PTK6: variants seen among roughly 807,000 people sequenced by gnomAD.
PTK6 encodes protein tyrosine kinase 6.
In PTK6, 47 loss-of-function variants were observed where a neutral mutation model predicts 47.5. The ratio of observed to expected loss-of-function variants is 0.99; its 90% CI spans 0.78 to 1.26. PTK6 has a LOEUF of 1.26. Ranked by LOEUF, PTK6 falls within the 50% of genes most tolerant of loss-of-function variation. PTK6 has a pLI of 0.00. For missense variants in PTK6, 618 were observed against 625.3 expected (o/e 0.99, Z 0.12); for synonymous variants, 287 against 276.5 (o/e 1.04, Z -0.38).
At chr20:63,535,858 G>GC (rs1232376526) in intron 1 of PTK6, among the ~76,000 whole-genome samples, 1 of 12,344 alleles carries the variant, frequency 8.1e-5, no homozygotes, top group Admixed American at 8.1e-4. Context: ...CTGGCCTCCC[G>GC]CCCCCTCCTC....
At position 63,533,424 on chromosome 20, in the gene PTK6, A is replaced by T. The variant is rs2082640667; in HGVS notation, c.670+127T>A. On this transcript the variant is annotated intron_variant, in intron 4 of 7. Transcript: ENST00000542869. The surrounding 1 kb of genome is among the most constrained non-coding windows in gnomAD (Gnocchi z 4.0). ...AAAAACATAGGTGCAATTGAAAGGGAACCACTCTCGCATGGACGCTGTGGG... is the reference window on the plus strand; with the variant it reads ...AAAAACATAGGTGCAATTGAAAGGGTACCACTCTCGCATGGACGCTGTGGG... The T allele has an allele frequency of 1.1e-5, 13 of 1,144,788 alleles. No individual in the cohort carries two copies. The highest frequency in any genetic ancestry group is 1.5e-5 in the Non-Finnish European group (13 of 845,136). The allele number at this position is 1,144,788 out of a possible 1,614,324, so 70.9% of individuals were successfully genotyped here. A position where few individuals can be genotyped will look rare whatever the true frequency, so the allele number is the denominator to read the frequency against.
At chr20:63,531,452 A>C (rs1423732222) in intron 5 of PTK6, among the ~76,000 whole-genome samples, 2 of 126,582 alleles carry the variant, frequency 1.6e-5, no homozygotes, top group African/African-American at 3.2e-5. Context: ...ATATATATAT[A>C]TATATATATA....
rs376458736 is a variant in PTK6, at chr20:63,534,146, G to A, written c.516+6C>T. ...CCGCGTGACCAAGTCAGGGCGGAGC[G>A]GCTACCTTCCGGCAGGGCGCGGCCA... On this transcript the variant is annotated splice_donor_region_variant and intron_variant, in intron 3 of 7. Coordinates refer to ENST00000542869, the MANE Select transcript of PTK6 (RefSeq NM_005975.4). 37 of 1,545,328 alleles carry A rather than the reference G, an allele frequency of 2.4e-5. No homozygotes were observed. The African/African-American group carries it at 3.7e-4, about 15-fold the overall frequency.
In PTK6 at chr20:63,534,269, G is replaced by A. The variant is rs1305947229; in HGVS notation, c.399C>T (p.Ala133=). ...CCTCGTTCAGGTGCAGCCGGCCCCC[G>A]GCACGCCGCCAGATCTTGTAGTGCC... is the stretch of plus-strand genomic sequence containing the variant. The part of the protein sequence containing the change: ...AVRHYKIWRR[A]GGRLHLNEAV... Residue 133 remains alanine, a synonymous_variant, in exon 3 of 8, where the codon GCC becomes GCT. Coordinates refer to ENST00000542869, the MANE Select transcript of PTK6 (RefSeq NM_005975.4). The A allele has an allele frequency of 1.4e-5, 23 of 1,608,700 alleles. No individual in the cohort carries two copies. Among genetic ancestry groups the A allele is most frequent in the Middle Eastern group, 1.7e-4 (1 of 6,052 alleles).
chr20:63,533,590 T>A lies in PTK6; in HGVS notation c.631A>T (p.Lys211Ter), dbSNP rs569376679. Reference sequence around the variant, plus strand: ...TTAATGGCCACCTGGACCCGGTCTTTCCAGAGCCCCTCGAAGACCTCCCCA... The same window carrying A: ...TTAATGGCCACCTGGACCCGGTCTTACCAGAGCCCCTCGAAGACCTCCCCA... Reference protein sequence around the residue: ...YFGEVFEGLWKDRVQVAIKVI... With the variant: ...YFGEVFEGLW The change falls in exon 4 of 8, where the codon AAA becomes TAA. Residue 211 changes from lysine to a stop codon, truncating the protein, a stop_gained. Transcript: ENST00000542869. LOFTEE classifies it high-confidence loss of function. This position sits in a 1 kb window ranked among gnomAD's most constrained non-coding sequence, Gnocchi z 4.0. 6 of 1,613,578 alleles carry A rather than the reference T, an allele frequency of 3.7e-6. No individual in the cohort carries two copies. The highest frequency in any genetic ancestry group is 2.2e-5 in the East Asian group (1 of 44,844).
At chr20:63,535,176 C>G in intron 1 of PTK6, 117 bp from the exon 2 acceptor site, 3 of 1,364,602 alleles carry the variant, frequency 2.2e-6, no homozygotes, top group Non-Finnish European at 2.9e-6. Flanking sequence ...CTCAAGCTCC[C>G]AGCCCTGACC....
Position 63,537,184 on chromosome 20 carries a change from C to T in PTK6, c.131G>A (p.Trp44Ter), listed in dbSNP as rs1012845657. ...VFHVARKEEQ[W>*]WWATLLDEAG... Reference sequence around the variant, plus strand: ...CTCGTCCAGCAGCGTGGCCCACCACCACTGCTCCTCCTTCCTGGCCACGTG... The same window carrying T: ...CTCGTCCAGCAGCGTGGCCCACCACTACTGCTCCTCCTTCCTGGCCACGTG... The change falls in exon 1 of 8, where the codon TGG becomes TAG. Residue 44 changes from tryptophan (W) to a stop codon, truncating the protein, a stop_gained. Coordinates refer to ENST00000542869, the MANE Select transcript of PTK6 (RefSeq NM_005975.4). LOFTEE classifies it high-confidence loss of function. The T allele has an allele frequency of 1.9e-6, 3 of 1,612,436 alleles. No individual in the cohort carries two copies. The highest frequency in any genetic ancestry group is 2.5e-6 in the Non-Finnish European group (3 of 1,179,844).
Position 63,534,971 on chromosome 20 carries a change from T to G in PTK6, c.319A>C (p.Ser107Arg). ...NATGAFLIRV[S>R]EKPSADYVLS... ...ACGTAGTCGGCACTCGGCTTCTCGC[T>G]GACCCTGATCAGGAAGGCGCCCGTG... The change falls in exon 2 of 8, where the codon AGC becomes CGC. Residue 107 changes from serine (S) to arginine (R), a missense_variant. Physicochemically the swap from Ser to Arg is moderately radical, Grantham distance 110. Coordinates refer to ENST00000542869, the MANE Select transcript of PTK6 (RefSeq NM_005975.4). The G allele has an allele frequency of 7.5e-6, 12 of 1,607,672 alleles. No homozygotes were observed. Among genetic ancestry groups the G allele is most frequent in the Non-Finnish European group, 1.0e-5 (12 of 1,177,722 alleles).
In PTK6 at chr20:63,530,189, A is replaced by T. The variant is rs565400172; in HGVS notation, c.1057T>A (p.Trp353Arg). The stretch of plus-strand genomic sequence containing the variant: ...CGGGAGAGCGCTTCAGGGGCCGTCC[A>T]CTTGTAGGGGATATTGTGGTCATGG... ...LSHDHNIPYK[W>R]TAPEALSRGH... is the part of the protein sequence containing the mutation. The change falls in exon 7 of 8, where the codon TGG becomes AGG. Residue 353 changes from tryptophan to arginine, a missense_variant. Physicochemically the swap from Trp to Arg is moderately radical, Grantham distance 101 (BLOSUM62 -3). Coordinates refer to ENST00000542869, the MANE Select transcript of PTK6 (RefSeq NM_005975.4). This position sits in a 1 kb window ranked among gnomAD's most constrained non-coding sequence, Gnocchi z 4.1. 1.2e-5 allele frequency: 20 copies of T among 1,614,002 alleles called. No individual in the cohort carries two copies. The Admixed American group carries it at 3.2e-4, about 26-fold the overall frequency.
chr20:63,530,207 G>A lies in PTK6; in HGVS notation c.1039C>T (p.His347Tyr), dbSNP rs532466456. The A allele has an allele frequency of 3.4e-5, 55 of 1,614,032 alleles. No homozygotes were observed. The South Asian group carries it at 5.7e-4, about 17-fold the overall frequency. Reference sequence around the variant, plus strand: ...GCCGTCCACTTGTAGGGGATATTGTGGTCATGGGAGAGGTAGACGTCCTCC... The same window carrying A: ...GCCGTCCACTTGTAGGGGATATTGTAGTCATGGGAGAGGTAGACGTCCTCC... The part of the protein sequence containing the change: ...IKEDVYLSHD[H>Y]NIPYKWTAPE... The change falls in exon 7 of 8, where the codon CAC (histidine) becomes TAC (tyrosine). Residue 347 changes from histidine to tyrosine, a missense_variant. Coordinates refer to ENST00000542869, the MANE Select transcript of PTK6 (RefSeq NM_005975.4). The surrounding 1 kb of genome is among the most constrained non-coding windows in gnomAD (Gnocchi z 4.1).
In PTK6 at chr20:63,530,267, C is replaced by A; in HGVS notation, c.1015-36G>T. Reference sequence around the variant, plus strand: ...CCTGGAGCTGAGTGGGCCGTGGGGGCTGCCTGTGCCCTGCCCCCGAAGCAT... The same window carrying A: ...CCTGGAGCTGAGTGGGCCGTGGGGGATGCCTGTGCCCTGCCCCCGAAGCAT... On this transcript the variant is annotated intron_variant, in intron 6 of 7. Transcript: ENST00000542869. The surrounding 1 kb of genome is among the most constrained non-coding windows in gnomAD (Gnocchi z 4.1). The A allele has an allele frequency of 1.2e-6, 2 of 1,608,152 alleles. No homozygotes were observed. The highest frequency in any genetic ancestry group is 2.2e-5 in the South Asian group (2 of 90,820).
At position 63,534,906 on chromosome 20, in the gene PTK6, G is replaced by A. The variant is rs1338499981; in HGVS notation, c.352+32C>T. On this transcript the variant is annotated intron_variant, in intron 2 of 7. Transcript: ENST00000542869. ...GGGCTTAGAGCCAGGAGCCCCCGCAGGCAAGCACAGGCTCGGAGGCCGGGG... is the reference window on the plus strand; with the variant it reads ...GGGCTTAGAGCCAGGAGCCCCCGCAAGCAAGCACAGGCTCGGAGGCCGGGG... 3.8e-6 allele frequency: 6 copies of A among 1,572,934 alleles called. No individual in the cohort carries two copies. The East Asian group carries it at 1.1e-4, about 30-fold the overall frequency.
At chr20:63,534,038 G>C (rs1168689034) in intron 3 of PTK6, 114 bp downstream of exon 3, 6 of 1,338,426 alleles carry the variant, frequency 4.5e-6, no homozygotes, top group Non-Finnish European at 5.0e-6. Flanking sequence ...TGGGCCCCAG[G>C]TCAGTGAGTC....
At position 63,537,191 on chromosome 20, in the gene PTK6, C is replaced by G. The variant is rs551801284; in HGVS notation, c.124G>C (p.Glu42Gln). The change falls in exon 1 of 8, where the codon GAG becomes CAG. Residue 42 changes from glutamate to glutamine, a missense_variant. Glu to Gln is a conservative substitution (Grantham distance 29). Transcript: ENST00000542869. ...AGCAGCGTGGCCCACCACCACTGCT[C>G]CTCCTTCCTGGCCACGTGGAAGACG... The part of the protein sequence containing the change: ...GDVFHVARKE[E>Q]QWWWATLLDE... The G allele has an allele frequency of 1.8e-5, 29 of 1,612,360 alleles. No homozygotes were observed. In the South Asian group the frequency reaches 2.7e-4, roughly 15 times the overall value.
rs777792665 is a variant in PTK6, at chr20:63,530,180, G to T, written c.1066C>A (p.Pro356Thr). 5 of 1,614,092 alleles carry T rather than the reference G, an allele frequency of 3.1e-6. No individual in the cohort carries two copies. Among genetic ancestry groups the T allele is most frequent in the Non-Finnish European group, 3.4e-6 (4 of 1,179,992 alleles). ...DHNIPYKWTAPEALSRGHYST... is the reference protein window; with the variant it reads ...DHNIPYKWTATEALSRGHYST... ...TAATGGCCTCGGGAGAGCGCTTCAGGGGCCGTCCACTTGTAGGGGATATTG... is the reference window on the plus strand; with the variant it reads ...TAATGGCCTCGGGAGAGCGCTTCAGTGGCCGTCCACTTGTAGGGGATATTG... Residue 356 changes from proline (P) to threonine (T), a missense_variant, in exon 7 of 8, where the codon CCT (proline) becomes ACT (threonine). Pro to Thr is a conservative substitution (Grantham distance 38, BLOSUM62 -1). Transcript: ENST00000542869. This position sits in a 1 kb window ranked among gnomAD's most constrained non-coding sequence, Gnocchi z 4.1.
chr20:63,535,153 C>T lies in PTK6; in HGVS notation c.231-94G>A, dbSNP rs2082655021. On this transcript the variant is annotated intron_variant, in intron 1 of 7. Transcript: ENST00000542869. ...CCTGCCCGCCTGGAACCCCAGCCGCCCTTGCCTGCCACCTCAAGCTCCCAG... is the reference window on the plus strand; with the variant it reads ...CCTGCCCGCCTGGAACCCCAGCCGCTCTTGCCTGCCACCTCAAGCTCCCAG... 8.3e-6 allele frequency: 12 copies of T among 1,450,594 alleles called. No individual in the cohort carries two copies. In the South Asian group the frequency reaches 1.6e-4, roughly 20 times the overall value. The allele number at this position is 1,450,594 out of a possible 1,614,324, so 89.9% of individuals were successfully genotyped here. A position where few individuals can be genotyped will look rare whatever the true frequency, so the allele number is the denominator to read the frequency against.
At position 63,537,325 on chromosome 20, in the gene PTK6, C is replaced by T. The variant is rs754588916; in HGVS notation, c.-11G>A. Reference sequence around the variant, plus strand: ...GTCCCGGGACACCATGGCGGGCGGGCGCAGCGGCAGGACCAGGCTGTGGCC... The same window carrying T: ...GTCCCGGGACACCATGGCGGGCGGGTGCAGCGGCAGGACCAGGCTGTGGCC... On this transcript the variant is annotated 5_prime_UTR_variant, in exon 1 of 8. Coordinates refer to ENST00000542869, the MANE Select transcript of PTK6 (RefSeq NM_005975.4). 6.3e-6 allele frequency: 10 copies of T among 1,598,730 alleles called. No individual in the cohort carries two copies. Among genetic ancestry groups the T allele is most frequent in the East Asian group, 2.3e-5 (1 of 44,290 alleles).
In PTK6 at chr20:63,533,789, G is replaced by A. The variant is rs2082643503; in HGVS notation, c.517-85C>T. On this transcript the variant is annotated intron_variant, in intron 3 of 7. Transcript: ENST00000542869. The surrounding 1 kb of genome is among the most constrained non-coding windows in gnomAD (Gnocchi z 4.0). ...AGCCAGCACAGGGAGCCTGGATTTA[G>A]CCTCAGATTTAGGGCCACGATCAGC... 6.6e-7 allele frequency: 1 copy of A among 1,516,458 alleles called. No individual in the cohort carries two copies. The highest frequency in any genetic ancestry group is 1.3e-5 in the South Asian group (1 of 79,560). 93.9% of individuals were successfully genotyped at this position (1,516,458 alleles called of 1,614,324 possible). A position where few individuals can be genotyped will look rare whatever the true frequency, so the allele number is the denominator to read the frequency against.
intron 5 of PTK6, among the ~76,000 whole-genome samples, chr20:63,532,196 C>CTG (rs1256583029): frequency 7.2e-6 from 1 of 139,036 alleles, no homozygotes; most frequent in African/African-American, 2.9e-5. Flanking sequence ...TCCGTGTGAT[C>CTG]TGTGTGTGTG....
Sources: allele counts gnomAD v4.1 joint callset (sites outside exome capture counted in the v4.1 genomes callset), GRCh38; gene constraint gnomAD v4.1.1; non-coding constraint Gnocchi (gnomAD v3.1); transcripts MANE v1.5; gene names NCBI Gene and HGNC (gene_info 2026-07-23, HGNC 2026-07-21).